Variants in IST1 observed in about 807,000 individuals in gnomAD.
The protein encoded by IST1 is IST1 homolog.
IST1 carries 23 observed loss-of-function variants against 37.0 expected under a neutral mutation model. The ratio of observed to expected loss-of-function variants is 0.62; its 90% CI spans 0.45 to 0.88. IST1 has a LOEUF of 0.88. IST1 is among the 40% of genes least tolerant of loss of function. The pLI, the probability that IST1 is intolerant of heterozygous loss-of-function variation, is 0.00. For synonymous variants in IST1, 180 were observed against 161.7 expected, an observed-to-expected ratio of 1.11 and a Z score of -0.86; for missense variants, 488 against 445.4, an observed-to-expected ratio of 1.10 and a Z score of -0.86.
At chr16:71,905,147 C>T (rs1020239138) in intron 1 of IST1, among the ~76,000 whole-genome samples, 3 of 150,726 alleles carry the variant, frequency 2.0e-5, no homozygotes, top group Non-Finnish European at 4.4e-5. Context: ...GCAATTCTCC[C>T]GCCTCAGCCT....
intron 1 of IST1, among the ~76,000 whole-genome samples, chr16:71,912,835 C>T (rs968181940): frequency 6.6e-5 from 10 of 152,184 alleles, no homozygotes; most frequent in Non-Finnish European, 1.3e-4. Context: ...CTCACAAAAG[C>T]AGAATCTTAC....
At chr16:71,895,482 C>T (rs2036943154), upstream of IST1, 1 of 983,730 alleles carries the variant, frequency 1.0e-6, no homozygotes, top group African/African-American at 1.7e-5. Context: ...ATATCGGCCC[C>T]GTGGATCCCT....
At chr16:71,920,932 T>C in intron 5 of IST1, 110 bp downstream of exon 5, 1 of 824,140 alleles carries the variant, frequency 1.2e-6, no homozygotes, top group South Asian at 1.4e-5. Context: ...GGGTTTCACC[T>C]TTCATAGTGG....
Position 71,930,456 on chromosome 16 carries a change from C to G in IST1, c.*2643C>G. The G allele has an allele frequency of 3.6e-6, 1 of 279,500 alleles. No individual in the cohort carries two copies. Among genetic ancestry groups the G allele is most frequent in the Non-Finnish European group, 6.6e-6 (1 of 150,684 alleles). 17.3% of individuals were successfully genotyped at this position (279,500 alleles called of 1,614,324 possible). On this transcript the variant is annotated 3_prime_UTR_variant, in exon 10 of 10. Coordinates refer to ENST00000378799, the MANE Select transcript of IST1 (RefSeq NM_001270975.2). ...GTGGAATTGGAAATGATTCAAATGT[C>G]ACATGAGTTTTGGCAAAAAATACAT... is the stretch of plus-strand genomic sequence containing the variant.
chr16:71,900,159 T>C, intron 1 of IST1, among the ~76,000 whole-genome samples: 1 of 121,572 alleles, frequency 8.2e-6, no homozygotes, highest in African/African-American at 3.1e-5. Context: ...AGAGTGAAAC[T>C]CGGTCTCAAA....
intron 1 of IST1, among the ~76,000 whole-genome samples, chr16:71,896,612 C>T (rs183719025): frequency 5.8e-4 from 88 of 152,058 alleles, no homozygotes; most frequent in Non-Finnish European, 8.2e-4. Context: ...GCTTTTGTAC[C>T]TACAAGCCAA....
chr16:71,899,511 ATCT>A, intron 1 of IST1, among the ~76,000 whole-genome samples: 1 of 152,350 alleles, frequency 6.6e-6, no homozygotes, highest in Non-Finnish European at 1.5e-5. Context: ...CTAACATCAC[ATCT>A]TCATAACTGC....
chr16:71,922,833 C>G (rs1242306574), intron 7 of IST1, 153 bp downstream of exon 7: 2 of 655,758 alleles, frequency 3.0e-6, no homozygotes, highest in South Asian at 1.9e-5. Context: ...GGAAAAAACA[C>G]ATTGGATTCA....
chr16:71,924,129 T>C (rs540800235), intron 8 of IST1: 3 of 456,074 alleles, frequency 6.6e-6, no homozygotes, highest in East Asian at 1.4e-4. Context: ...TTTCTTATGC[T>C]TTGGTTTTGC....
intron 6 of IST1, among the ~76,000 whole-genome samples, chr16:71,922,031 G>A (rs1316486333): frequency 6.6e-6 from 1 of 152,170 alleles, no homozygotes; most frequent in African/African-American, 2.4e-5. Context: ...CAGCTACTCG[G>A]GAGGCTGAGG....
intron 1 of IST1, among the ~76,000 whole-genome samples, chr16:71,902,707 T>C (rs1741431955): frequency 6.6e-6 from 1 of 152,236 alleles, no homozygotes; most frequent in Non-Finnish European, 1.5e-5. Flanking sequence ...GGTTATAATA[T>C]CGCCTTTAAA....
chr16:71,907,728 C>G (rs979915466), intron 1 of IST1, among the ~76,000 whole-genome samples: 3 of 152,096 alleles, frequency 2.0e-5, no homozygotes, highest in African/African-American at 7.2e-5. Flanking sequence ...TACAAGTGTC[C>G]TGGCTCTTTT....
Position 71,929,787 on chromosome 16 carries a change from T to A in IST1, c.*1974T>A, listed in dbSNP as rs2143041830. ...AAAAAATTAGTAAATGTAAAGATACTATTTCTTTAATAATTTGCAGTCAGG... is the reference window on the plus strand; with the variant it reads ...AAAAAATTAGTAAATGTAAAGATACAATTTCTTTAATAATTTGCAGTCAGG... On this transcript the variant is annotated 3_prime_UTR_variant, in exon 10 of 10. Transcript: ENST00000378799. 1 of 1,146,940 alleles carries A rather than the reference T, an allele frequency of 8.7e-7. No homozygotes were observed. The highest frequency in any genetic ancestry group is 1.2e-6 in the Non-Finnish European group (1 of 826,714). 71.0% of individuals were successfully genotyped at this position (1,146,940 alleles called of 1,614,324 possible).
At chr16:71,925,390 C>T (rs1279848031) in intron 9 of IST1, among the ~76,000 whole-genome samples, 1 of 149,440 alleles carries the variant, frequency 6.7e-6, no homozygotes, top group East Asian at 2.0e-4. Context: ...AGTCTTGGCT[C>T]ACTGCAACCT....
At position 71,931,077 on chromosome 16, in the gene IST1, T is replaced by C. The variant is rs1455067354; in HGVS notation, c.*3264T>C. 2 of 113,654 alleles carry C rather than the reference T, an allele frequency of 1.8e-5. No individual in the cohort carries two copies. Among genetic ancestry groups the C allele is most frequent in the Non-Finnish European group, 3.9e-5 (2 of 50,966 alleles). The allele number at this position is 113,654 out of a possible 1,614,324, so 7.0% of individuals were successfully genotyped here. On this transcript the variant is annotated 3_prime_UTR_variant, in exon 10 of 10. Coordinates refer to ENST00000378799, the MANE Select transcript of IST1 (RefSeq NM_001270975.2). Reference sequence around the variant, plus strand: ...TTTTTATGTACAATTTTACTGTTTATTTTTTGTTTGCTCTATTTGTTTTTT... The same window carrying C: ...TTTTTATGTACAATTTTACTGTTTACTTTTTGTTTGCTCTATTTGTTTTTT...
At chr16:71,922,306 GC>G (rs1367706423) in intron 6 of IST1, among the ~76,000 whole-genome samples, 167 bp from the exon 7 acceptor site, 1 of 152,188 alleles carries the variant, frequency 6.6e-6, no homozygotes, top group South Asian at 2.1e-4. Flanking sequence ...CTGTGTTGCA[GC>G]CCAACTTCTC....
In IST1 at chr16:71,930,021, C is replaced by A. The variant is rs34029919; in HGVS notation, c.*2208C>A. On this transcript the variant is annotated 3_prime_UTR_variant, in exon 10 of 10. Transcript: ENST00000378799. ...CAGTGGAGCTTTCCCAGTGATATAA[C>A]AGCATGCTAGTTTATCTTTTAGTTA... The A allele has an allele frequency of 1.3e-6, 2 of 1,537,024 alleles. No individual in the cohort carries two copies. Among genetic ancestry groups the A allele is most frequent in the Non-Finnish European group, 8.8e-7 (1 of 1,140,294 alleles).
Position 71,929,566 on chromosome 16 carries a change from TCACTGCC to T in IST1, c.*1760_*1766del. The T allele has an allele frequency of 6.4e-7, 1 of 1,551,328 alleles. No individual in the cohort carries two copies. The highest frequency in any genetic ancestry group is 8.7e-7 in the Non-Finnish European group (1 of 1,146,896). ...AGGTAGTTCATCTAAAACTTCAGTG[TCACTGCC>T]CACTGCTGTCGTGGCTGCTTGCTCA... On this transcript the variant is annotated 3_prime_UTR_variant, in exon 10 of 10. Coordinates refer to ENST00000378799, the MANE Select transcript of IST1 (RefSeq NM_001270975.2).
chr16:71,913,483 A>G (rs374635592), intron 1 of IST1, among the ~76,000 whole-genome samples: 1 of 152,216 alleles, frequency 6.6e-6, no homozygotes, highest in East Asian at 1.9e-4. Flanking sequence ...AGTCATTTAC[A>G]TGCAATTAGC....
Sources: gnomAD v4.1 joint callset for allele counts (sites outside exome capture counted in the v4.1 genomes callset) on GRCh38, gnomAD v4.1.1 for gene constraint, MANE v1.5 for transcripts, NCBI Gene and HGNC (gene_info 2026-07-23, HGNC 2026-07-21) for gene names.